The following AOAH variants were observed in gnomAD, a reference collection of about 807,000 sequenced individuals.
The protein encoded by AOAH is acyloxyacyl hydrolase (neutrophil).
AOAH carries 64 observed loss-of-function variants against 92.2 expected under a neutral mutation model. The observed-to-expected ratio is 0.69, with a 90% CI of 0.57 to 0.86. The LOEUF (loss-of-function observed/expected upper bound fraction) is 0.86. AOAH is among the 40% of genes least tolerant of loss of function. The probability of loss-of-function intolerance (pLI) is 0.00; values close to 1 mark genes in which losing one functional copy is unlikely to be tolerated. For synonymous variants in AOAH, 263 were observed against 254.5 expected (o/e 1.03, Z -0.32); for missense variants, 656 against 694.6 (o/e 0.94, Z 0.62).
intron 11 of AOAH, among the ~76,000 whole-genome samples, chr7:36,606,358 T>TTG (rs932193407): frequency 6.6e-6 from 1 of 152,318 alleles, no homozygotes; most frequent in African/African-American, 2.4e-5. Context: ...GGGAGCCGCT[T>TTG]TGCTCTCTAG....
In AOAH at chr7:36,703,564, G is replaced by A. The variant is rs531059277; in HGVS notation, c.128-16770C>T. Among the ~76,000 whole-genome samples the A allele has an allele frequency of 1.3e-3, 197 of 152,012 alleles. 1 individual carries two copies. The highest frequency in any genetic ancestry group is 4.7e-3 in the African/African-American group (193 of 41,464). ...CCCCTTGCCTCCCACCCACCTACAGGCCCTGGTGTGTGATGTTCCCCTCCC... is the reference window on the plus strand; with the variant it reads ...CCCCTTGCCTCCCACCCACCTACAGACCCTGGTGTGTGATGTTCCCCTCCC... On this transcript the variant is annotated intron_variant, in intron 1 of 20. Coordinates refer to ENST00000617537, the MANE Select transcript of AOAH (RefSeq NM_001637.4).
chr7:36,659,397 C>T lies in AOAH; in HGVS notation c.291-132G>A, dbSNP rs560387457. 81 of 699,970 alleles carry T rather than the reference C, an allele frequency of 1.2e-4. No individual in the cohort carries two copies. The East Asian group carries it at 2.1e-3, about 18-fold the overall frequency. The allele number at this position is 699,970 out of a possible 1,614,324, so 43.4% of individuals were successfully genotyped here. A position where few individuals can be genotyped will look rare whatever the true frequency, so the allele number is the denominator to read the frequency against. ...CAACTCCTTGCAGAGTGGCCTTTGA[C>T]CCCAATCCCGGGGAGCTGCTGGATG... On this transcript the variant is annotated intron_variant, in intron 3 of 20. Coordinates refer to ENST00000617537, the MANE Select transcript of AOAH (RefSeq NM_001637.4).
rs775598838 is a variant in AOAH at position 36,532,320 on chromosome 7, T to C, written c.1331A>G (p.Tyr444Cys). Residue 444 changes from tyrosine to cysteine, a missense_variant, in exon 17 of 21, where the codon TAT becomes TGT. Transcript: ENST00000617537. ...PLGQLNKDMT[Y>C]AQLYSFLNCL... ...GTTCAGGAAGGAGTACAACTGCGCA[T>C]AGGTCATGTCTTTATTTAGCTGGCC... The C allele has an allele frequency of 1.2e-6, 2 of 1,614,098 alleles. No homozygotes were observed. Among genetic ancestry groups the C allele is most frequent in the East Asian group, 2.2e-5 (1 of 44,888 alleles).
intron 1 of AOAH, among the ~76,000 whole-genome samples, chr7:36,700,123 T>C (rs1162642741): frequency 6.6e-6 from 1 of 152,088 alleles, no homozygotes; most frequent in African/African-American, 2.4e-5. Flanking sequence ...CATGGATTTA[T>C]ATTTATTTTG....
chr7:36,578,996 A>G (rs1788726211), intron 12 of AOAH, among the ~76,000 whole-genome samples: 1 of 152,194 alleles, frequency 6.6e-6, no homozygotes, highest in South Asian at 2.1e-4. Context: ...ACATGGAAAA[A>G]GCAGAGCAGG....
At chr7:36,575,688 G>A (rs1352918988) in intron 13 of AOAH, among the ~76,000 whole-genome samples, 1 of 152,124 alleles carries the variant, frequency 6.6e-6, no homozygotes, top group African/African-American at 2.4e-5. Context: ...AATCTATATT[G>A]TTCTTAGAAG....
chr7:36,673,738 T>C (rs1008036043), intron 3 of AOAH, among the ~76,000 whole-genome samples: 3 of 152,142 alleles, frequency 2.0e-5, no homozygotes, highest in Admixed American at 1.3e-4. Context: ...GTTACCACAC[T>C]GTAATTCAAG....
chr7:36,606,425 G>A (rs1247880415), intron 11 of AOAH, among the ~76,000 whole-genome samples: 1 of 152,188 alleles, frequency 6.6e-6, no homozygotes, highest in East Asian at 1.9e-4. Context: ...GACACAGCAC[G>A]AAATTCAATC....
At chr7:36,570,760 T>C (rs1015435232) in intron 13 of AOAH, among the ~76,000 whole-genome samples, 3 of 152,222 alleles carry the variant, frequency 2.0e-5, no homozygotes, top group Non-Finnish European at 4.4e-5. Context: ...TTGCCAATTG[T>C]GGTTTTTGCC....
intron 11 of AOAH, among the ~76,000 whole-genome samples, chr7:36,606,542 A>G (rs951350232): frequency 1.3e-5 from 2 of 152,170 alleles, no homozygotes; most frequent in Non-Finnish European, 2.9e-5. Context: ...GGGAAATTGT[A>G]TTTCAGAATT....
chr7:36,690,190 GA>G, intron 1 of AOAH: 1 of 448,980 alleles, frequency 2.2e-6, no homozygotes, highest in South Asian at 1.6e-5. Context: ...GCTAAAATTG[GA>G]AAATCATTAG....
At chr7:36,531,066 G>C (rs889555134) in intron 18 of AOAH, among the ~76,000 whole-genome samples, 4 of 152,132 alleles carry the variant, frequency 2.6e-5, no homozygotes, top group African/African-American at 9.7e-5. Context: ...ATATAGTCAC[G>C]TATAAACTTT....
chr7:36,592,639 G>A (rs1789827014), intron 12 of AOAH, among the ~76,000 whole-genome samples: 1 of 152,200 alleles, frequency 6.6e-6, no homozygotes, highest in Non-Finnish European at 1.5e-5. Flanking sequence ...TACCACTCTT[G>A]GCTGGGCAAC....
In AOAH at chr7:36,513,201, C is replaced by T; in HGVS notation, c.*51G>A. 6.2e-7 allele frequency: 1 copy of T among 1,614,130 alleles called. No homozygotes were observed. The highest frequency in any genetic ancestry group is 8.5e-7 in the Non-Finnish European group (1 of 1,180,028). ...CCATAGGGTTTGTGGAATGAGTTTA[C>T]CCAAGCCTCTGCCTCCCTGTGCTCC... On this transcript the variant is annotated 3_prime_UTR_variant, in exon 21 of 21. Transcript: ENST00000617537.
chr7:36,596,137 T>G (rs1216489727), intron 11 of AOAH, among the ~76,000 whole-genome samples: 6 of 151,910 alleles, frequency 3.9e-5, no homozygotes, highest in Non-Finnish European at 7.3e-5. Flanking sequence ...GCAAACATTA[T>G]AGTCATTTAC....
intron 3 of AOAH, among the ~76,000 whole-genome samples, chr7:36,659,755 C>CTTT (rs112482487): frequency 6.3e-5 from 8 of 127,948 alleles, no homozygotes; most frequent in South Asian, 2.5e-4. Context: ...TTTTTTCTTT[C>CTTT]TTTTTTTTTT....
At chr7:36,535,132 G>A (rs921483959) in intron 16 of AOAH, among the ~76,000 whole-genome samples, 6 of 150,994 alleles carry the variant, frequency 4.0e-5, no homozygotes, top group Admixed American at 4.0e-4. Flanking sequence ...GTATGTGTCT[G>A]CTTGTGTGTA....
At chr7:36,672,172 TAA>T (rs1437577308) in intron 3 of AOAH, among the ~76,000 whole-genome samples, 1 of 152,102 alleles carries the variant, frequency 6.6e-6, no homozygotes, top group Non-Finnish European at 1.5e-5. Context: ...AGATCGCTAT[TAA>T]GAGAGGCAGA....
chr7:36,584,007 C>G (rs1339267560), intron 12 of AOAH, among the ~76,000 whole-genome samples: 2 of 152,210 alleles, frequency 1.3e-5, no homozygotes, highest in African/African-American at 4.8e-5. Flanking sequence ...TTCTGTGAAA[C>G]ACCAGTTTCT....
Sources: gnomAD v4.1 joint callset for allele counts (sites outside exome capture counted in the v4.1 genomes callset) on GRCh38, gnomAD v4.1.1 for gene constraint, MANE v1.5 for transcripts, NCBI Gene and HGNC (gene_info 2026-07-23, HGNC 2026-07-21) for gene names.